MROH9: variants seen among roughly 807,000 people sequenced by gnomAD.
MROH9 encodes maestro heat like repeat family member 9.
In MROH9, 92 loss-of-function variants were observed where a neutral mutation model predicts 98.2. The ratio of observed to expected loss-of-function variants is 0.94; its 90% CI spans 0.79 to 1.11. The LOEUF (loss-of-function observed/expected upper bound fraction) is 1.11, where lower values mean the gene tolerates loss of function less well. Ranked by LOEUF, MROH9 falls within the 50% of genes most tolerant of loss-of-function variation. The pLI, the probability that MROH9 is intolerant of heterozygous loss-of-function variation, is 0.00. For missense variants in MROH9, 1,057 were observed against 1,014.8 expected (o/e 1.04, Z -0.57); for synonymous variants, 397 against 368.9 (o/e 1.08, Z -0.87).
At chr1:170,989,537 T>G (rs1316716871) in intron 10 of MROH9, among the ~76,000 whole-genome samples, 1 of 152,232 alleles carries the variant, frequency 6.6e-6, no homozygotes, top group Non-Finnish European at 1.5e-5. Flanking sequence ...TTTCTTTAAG[T>G]ACTTGAATTA....
intron 20 of MROH9, among the ~76,000 whole-genome samples, chr1:171,056,481 C>T (rs1653841044): frequency 6.6e-6 from 1 of 152,174 alleles, no homozygotes; most frequent in Non-Finnish European, 1.5e-5. Context: ...GGGACAGAAC[C>T]CAGATCTCCC....
intron 20 of MROH9, among the ~76,000 whole-genome samples, chr1:171,027,127 C>T (rs1234880568): frequency 2.6e-5 from 4 of 151,932 alleles, no homozygotes; most frequent in African/African-American, 9.7e-5. Context: ...GCAGAACATG[C>T]AGGTTTGTTA....
chr1:171,025,990 G>T (rs540933368), intron 20 of MROH9, among the ~76,000 whole-genome samples: 1 of 152,150 alleles, frequency 6.6e-6, no homozygotes, highest in African/African-American at 2.4e-5. Flanking sequence ...CAGCTTAGTA[G>T]TGAGTCTCCA....
At chr1:170,994,099 A>C (rs775578334) in intron 12 of MROH9, among the ~76,000 whole-genome samples, 1 of 152,228 alleles carries the variant, frequency 6.6e-6, no homozygotes, top group African/African-American at 2.4e-5. Flanking sequence ...AAAAATGCTG[A>C]AACTTCCTCA....
In MROH9 at chr1:171,015,963, T is replaced by C. The variant is rs139605398; in HGVS notation, c.1735-200T>C. ...TTTAGTATTATCAGTTTCTACTTAA[T>C]GTTAAATTTATATAATTTAATTTTC... On this transcript the variant is annotated intron_variant, in intron 16 of 21. Coordinates refer to ENST00000367759, the MANE Select transcript of MROH9 (RefSeq NM_001163629.2). Among the ~76,000 whole-genome samples, 134 of 152,330 alleles carry C rather than the reference T, an allele frequency of 8.8e-4. 1 individual carries two copies. Among genetic ancestry groups the C allele is most frequent in the African/African-American group, 2.9e-3 (121 of 41,576 alleles).
intron 15 of MROH9, among the ~76,000 whole-genome samples, chr1:171,010,776 G>A (rs963469223): frequency 6.6e-6 from 1 of 152,016 alleles, no homozygotes; most frequent in African/African-American, 2.4e-5. Context: ...ACTTTTTCAT[G>A]GGGTTGTTTT....
At chr1:170,948,409 A>G (rs1047584949) in intron 3 of MROH9, among the ~76,000 whole-genome samples, 7 of 152,036 alleles carry the variant, frequency 4.6e-5, no homozygotes, top group African/African-American at 1.7e-4. Context: ...CAGCCAGGAC[A>G]TGAGGAGAGT....
At chr1:170,995,924 A>T (rs1363401219) in intron 13 of MROH9, among the ~76,000 whole-genome samples, 1 of 152,186 alleles carries the variant, frequency 6.6e-6, no homozygotes. Flanking sequence ...ATATAAGATT[A>T]AAAATGATGT....
At chr1:170,955,335 G>A (rs1571445922) in intron 3 of MROH9, among the ~76,000 whole-genome samples, 1 of 152,100 alleles carries the variant, frequency 6.6e-6, no homozygotes. Flanking sequence ...TAGATACCCA[G>A]TAGTGTGGAT....
chr1:170,954,798 G>A (rs965272001), intron 3 of MROH9, among the ~76,000 whole-genome samples: 2 of 151,644 alleles, frequency 1.3e-5, no homozygotes, highest in African/African-American at 2.4e-5. Context: ...CATTTTTCAC[G>A]TTCCTATTCA....
intron 20 of MROH9, among the ~76,000 whole-genome samples, chr1:171,032,369 G>A (rs2101850079): frequency 6.6e-6 from 1 of 152,190 alleles, no homozygotes; most frequent in Non-Finnish European, 1.5e-5. Flanking sequence ...TGGCCTTTTG[G>A]GTTTTCAGCA....
At chr1:170,994,991 C>T (rs1249423828) in intron 12 of MROH9, among the ~76,000 whole-genome samples, 1 of 151,656 alleles carries the variant, frequency 6.6e-6, no homozygotes, top group Admixed American at 6.6e-5. Flanking sequence ...CTGTTGGTGA[C>T]CTGACCTGCC....
intron 20 of MROH9, among the ~76,000 whole-genome samples, chr1:171,047,213 T>C (rs1653498104): frequency 6.6e-6 from 1 of 152,204 alleles, no homozygotes; most frequent in Non-Finnish European, 1.5e-5. Flanking sequence ...TATCTTTCCG[T>C]AGATTTGGGA....
At position 171,064,199 on chromosome 1, in the gene MROH9, A is replaced by G. The variant is rs1288224796; in HGVS notation, c.2445A>G (p.Ala815=). Residue 815 remains alanine (A), a synonymous_variant, in exon 22 of 22, where the codon GCA becomes GCG. Transcript: ENST00000367759. ...AAAAAGCCCATAAACTGACCTCTGC[A>G]CCTCTTAAACAAAACTTCCAAAAAT... ...FKKKAHKLTS[A]PLKQNFQKLL... 1.6e-5 allele frequency: 25 copies of G among 1,551,610 alleles called. No homozygotes were observed. The highest frequency in any genetic ancestry group is 3.3e-4 in the Middle Eastern group (2 of 5,992).
intron 20 of MROH9, among the ~76,000 whole-genome samples, chr1:171,037,024 G>C (rs1251044672): frequency 6.6e-6 from 1 of 150,768 alleles, no homozygotes; most frequent in Non-Finnish European, 1.5e-5. Flanking sequence ...CACACAAGAG[G>C]CTTCAAGAGC....
chr1:171,049,219 A>T (rs1247416441), intron 20 of MROH9, among the ~76,000 whole-genome samples: 6 of 152,210 alleles, frequency 3.9e-5, no homozygotes, highest in African/African-American at 1.4e-4. Context: ...ACCCAAAGTC[A>T]GGTGAGCATG....
intron 5 of MROH9, among the ~76,000 whole-genome samples, chr1:170,959,984 A>G (rs1188781096): frequency 1.3e-5 from 2 of 152,214 alleles, no homozygotes; most frequent in African/African-American, 4.8e-5. Flanking sequence ...AACTTGCTCT[A>G]TAAGCTAGAG....
Position 171,004,508 on chromosome 1 carries a change from C to A in MROH9, c.1596+6234C>A, listed in dbSNP as rs1012072638. ...CAGGTAAAGTCATAAACTTCTCTGG[C>A]AAACAGACCTTCAGCTTCTCCAGTC... On this transcript the variant is annotated intron_variant, in intron 15 of 21. Coordinates refer to ENST00000367759, the MANE Select transcript of MROH9 (RefSeq NM_001163629.2). Among the ~76,000 whole-genome samples the A allele has an allele frequency of 3.3e-5, 5 of 152,146 alleles. No individual in the cohort carries two copies. In the East Asian group the frequency reaches 9.7e-4, roughly 29 times the overall value.
At chr1:170,994,801 C>T (rs891800566) in intron 12 of MROH9, among the ~76,000 whole-genome samples, 3 of 151,942 alleles carry the variant, frequency 2.0e-5, no homozygotes, top group Admixed American at 2.0e-4. Context: ...AATGTAAACA[C>T]GTCTTTAAAA....
Sources: gnomAD v4.1 joint callset for allele counts (sites outside exome capture counted in the v4.1 genomes callset) on GRCh38, gnomAD v4.1.1 for gene constraint, MANE v1.5 for transcripts, NCBI Gene and HGNC (gene_info 2026-07-23, HGNC 2026-07-21) for gene names.